The following RASA3 variants were observed in gnomAD, a reference collection of about 807,000 sequenced individuals.
RASA3 encodes the protein RAS p21 protein activator 3, also known as ras GTPase-activating protein 3.
In RASA3, 73 loss-of-function variants were observed where a neutral mutation model predicts 110.0. That is an observed-to-expected ratio of 0.66 (90% CI 0.55 to 0.81). The LOEUF (loss-of-function observed/expected upper bound fraction) is 0.81. RASA3 is among the 30% of genes least tolerant of loss of function. The pLI, the probability that RASA3 is intolerant of heterozygous loss-of-function variation, is 0.00. For synonymous variants in RASA3, 500 were observed against 451.4 expected (o/e 1.11, Z -1.37); for missense variants, 976 against 1,113.2 (o/e 0.88, Z 1.75).
chr13:113,980,019 CGTGTGCACCTGT>C (rs931318113), intron 23 of RASA3, among the ~76,000 whole-genome samples: 79 of 145,454 alleles, frequency 5.4e-4, no homozygotes, highest in African/African-American at 1.9e-3. Flanking sequence ...ACACCTCCCA[CGTGTGCACCTGT>C]GTGTGCACCT....
At chr13:113,982,278 G>A (rs1380777332) in intron 22 of RASA3, among the ~76,000 whole-genome samples, 1 of 152,216 alleles carries the variant, frequency 6.6e-6, no homozygotes, top group Non-Finnish European at 1.5e-5. Flanking sequence ...GCCCTGAAGA[G>A]TCAGCTGAGG....
At chr13:114,030,464 AGGGCAAGGCTCACACAGAG>A (rs1566501730) in intron 4 of RASA3, among the ~76,000 whole-genome samples, 35 of 103,590 alleles carry the variant, frequency 3.4e-4, no homozygotes, top group African/African-American at 1.2e-3. Context: ...GCTCACACAG[AGGGCAAGGCTCACACAGAG>A]GGCAAGACTC....
At chr13:114,124,000 G>A (rs1380014017) in intron 1 of RASA3, among the ~76,000 whole-genome samples, 2 of 152,178 alleles carry the variant, frequency 1.3e-5, no homozygotes, top group East Asian at 3.8e-4. Flanking sequence ...TCAATTCCAG[G>A]TCAAGGCACC....
rs1000321895 is a variant in RASA3 at position 114,009,367 on chromosome 13, G to A, written c.1668+20C>T. On this transcript the variant is annotated intron_variant, in intron 17 of 23. Transcript: ENST00000334062. ...CCTGAGCACGGCACACGGGCGGTCG[G>A]AGGGTGAGTCGATACTTACGTTCTT... 3.1e-6 allele frequency: 5 copies of A among 1,596,082 alleles called. No homozygotes were observed. The highest frequency in any genetic ancestry group is 4.3e-6 in the Non-Finnish European group (5 of 1,164,870).
At chr13:114,062,180 T>C (rs2079364808) in intron 2 of RASA3, among the ~76,000 whole-genome samples, 1 of 131,412 alleles carries the variant, frequency 7.6e-6, no homozygotes, top group African/African-American at 2.7e-5. Flanking sequence ...TTTAGAATTT[T>C]CCTGTGGGTT....
chr13:114,099,508 C>T (rs536013217), intron 1 of RASA3, among the ~76,000 whole-genome samples: 11 of 151,896 alleles, frequency 7.2e-5, no homozygotes, highest in Non-Finnish European at 4.4e-5. Flanking sequence ...CTTCTCAGAC[C>T]TGTGTTCACA....
intron 14 of RASA3, among the ~76,000 whole-genome samples, chr13:114,013,757 T>C (rs1243599235): frequency 7.4e-6 from 1 of 134,530 alleles, no homozygotes; most frequent in East Asian, 2.3e-4. Flanking sequence ...TCTCTCTCTC[T>C]CCATCTCTCT....
intron 1 of RASA3, among the ~76,000 whole-genome samples, chr13:114,104,111 C>T (rs1161297206): frequency 4.3e-5 from 1 of 23,344 alleles, no homozygotes; most frequent in East Asian, 1.2e-3. Context: ...GCCACGGACA[C>T]CCACCCCTGA....
In RASA3 at chr13:113,995,795, CCGGCTGATGGGGGT is replaced by C. The variant is rs2053230327; in HGVS notation, c.2141+722_2141+735del. Among the ~76,000 whole-genome samples, 4 of 30,088 alleles carry C rather than the reference CCGGCTGATGGGGGT, an allele frequency of 1.3e-4. 1 individual carries two copies. The highest frequency in any genetic ancestry group is 1.3e-3 in the Admixed American group (4 of 3,170). 19.7% of individuals were successfully genotyped at this position (30,088 alleles called of 152,430 possible). A position where few individuals can be genotyped will look rare whatever the true frequency, so the allele number is the denominator to read the frequency against. Reference sequence around the variant, plus strand: ...ACGGGGGGCCCGGCTGACGGGGGGTCCGGCTGATGGGGGTCCGGCTGACGGGGGGCCCGGCTGAC... The same window carrying C: ...ACGGGGGGCCCGGCTGACGGGGGGTCCCGGCTGACGGGGGGCCCGGCTGAC... On this transcript the variant is annotated intron_variant, in intron 21 of 23. Transcript: ENST00000334062.
chr13:114,005,096 T>C (rs1461950939), intron 18 of RASA3, among the ~76,000 whole-genome samples: 1 of 152,096 alleles, frequency 6.6e-6, no homozygotes, highest in African/African-American at 2.4e-5. Context: ...GGGACACGTA[T>C]TCGGAATCAC....
chr13:114,027,474 G>A lies in RASA3; in HGVS notation c.531-13C>T. 1 of 1,601,106 alleles carries A rather than the reference G, an allele frequency of 6.2e-7. No individual in the cohort carries two copies. The highest frequency in any genetic ancestry group is 2.2e-5 in the East Asian group (1 of 44,820). On this transcript the variant is annotated splice_polypyrimidine_tract_variant and intron_variant, in intron 6 of 23. Transcript: ENST00000334062. ...CTTTGCTTCTGATCTGTTATCAAGTGAGAAAGGATTGGGATTAAAACAACA... is the reference window on the plus strand; with the variant it reads ...CTTTGCTTCTGATCTGTTATCAAGTAAGAAAGGATTGGGATTAAAACAACA...
At chr13:114,060,723 T>TC (rs2079324676) in intron 2 of RASA3, among the ~76,000 whole-genome samples, 1 of 152,184 alleles carries the variant, frequency 6.6e-6, no homozygotes, top group African/African-American at 2.4e-5. Context: ...GCCAGGACTG[T>TC]CCCCCAGCGC....
At chr13:114,089,309 G>T (rs1594443072) in intron 1 of RASA3, among the ~76,000 whole-genome samples, 2 of 143,310 alleles carry the variant, frequency 1.4e-5, no homozygotes, top group Middle Eastern at 3.5e-3. Context: ...AGGGGGGGAG[G>T]AGGGGGGAGG....
chr13:114,029,958 A>C, intron 4 of RASA3, 71 bp from the exon 5 acceptor site: 9 of 1,424,752 alleles, frequency 6.3e-6, no homozygotes, highest in Non-Finnish European at 7.6e-6. Flanking sequence ...CCGCGCGCCC[A>C]GGGAAAGCCT....
At chr13:113,991,555 C>T (rs1456871620) in intron 22 of RASA3, among the ~76,000 whole-genome samples, 1 of 152,204 alleles carries the variant, frequency 6.6e-6, no homozygotes, top group Non-Finnish European at 1.5e-5. Context: ...GTCTCTGCCT[C>T]TCCTGAATCA....
chr13:114,003,845 G>A (rs1160892282), intron 18 of RASA3, among the ~76,000 whole-genome samples: 3 of 152,200 alleles, frequency 2.0e-5, no homozygotes, highest in Admixed American at 1.3e-4. Context: ...AATGGGGACA[G>A]GACACGACAA....
intron 2 of RASA3, among the ~76,000 whole-genome samples, chr13:114,064,905 C>A (rs1490733509): frequency 6.6e-6 from 1 of 152,254 alleles, no homozygotes; most frequent in African/African-American, 2.4e-5. Context: ...CCAGGCTCGC[C>A]TGAAATCCTG....
intron 1 of RASA3, among the ~76,000 whole-genome samples, chr13:114,108,271 GTGTCTGTCATCCCCGTCCGTCACCCCA>G (rs1555343470): frequency 3.8e-5 from 1 of 26,358 alleles, no homozygotes; most frequent in African/African-American, 1.2e-4. Flanking sequence ...CCGTCACCCC[GTGTCTGTCATCCCCGTCCGTCACCCCA>G]TGTCTGTCAC....
At chr13:114,033,931 G>T (rs2054230681) in intron 4 of RASA3, among the ~76,000 whole-genome samples, 1 of 152,244 alleles carries the variant, frequency 6.6e-6, no homozygotes, top group Non-Finnish European at 1.5e-5. Context: ...TGCCTAAAAT[G>T]ACAACAAAGA....
Sources: gnomAD v4.1 joint callset for allele counts (sites outside exome capture counted in the v4.1 genomes callset) on GRCh38, gnomAD v4.1.1 for gene constraint, MANE v1.5 for transcripts, NCBI Gene and HGNC (gene_info 2026-07-23, HGNC 2026-07-21) for gene names.